The following SPRED1 variants were observed in gnomAD, a reference collection of about 807,000 sequenced individuals.
SPRED1 encodes the protein sprouty-related, EVH1 domain-containing protein 1.
SPRED1 carries 18 observed loss-of-function variants against 52.3 expected under a neutral mutation model. That is an observed-to-expected ratio of 0.34 (90% CI 0.24 to 0.51). SPRED1 has a LOEUF of 0.51. SPRED1 is among the 20% of genes least tolerant of loss of function. SPRED1 has a pLI of 0.97. For missense variants in SPRED1, 485 were observed against 551.0 expected, an observed-to-expected ratio of 0.88 and a Z score of 1.20; for synonymous variants, 155 against 179.7, an observed-to-expected ratio of 0.86 and a Z score of 1.10.
At position 38,253,159 on chromosome 15, in the gene SPRED1, T is replaced by C; in HGVS notation, c.-27T>C. ...CCCCGCCTGCTGTTGCTCCTCCATCTCCAGATCGGATCACGGTGAGGGAAA... is the reference window on the plus strand; with the variant it reads ...CCCCGCCTGCTGTTGCTCCTCCATCCCCAGATCGGATCACGGTGAGGGAAA... On this transcript the variant is annotated 5_prime_UTR_variant, in exon 1 of 7. Transcript: ENST00000299084. 3 of 1,571,616 alleles carry C rather than the reference T, an allele frequency of 1.9e-6. No homozygotes were observed. The highest frequency in any genetic ancestry group is 2.6e-6 in the Non-Finnish European group (3 of 1,157,738).
intron 1 of SPRED1, among the ~76,000 whole-genome samples, chr15:38,289,706 G>A (rs992161012): frequency 1.3e-5 from 2 of 152,208 alleles, no homozygotes; most frequent in Non-Finnish European, 2.9e-5. Context: ...TTTGAGGGTA[G>A]AAGGAGGGAG....
chr15:38,313,087 G>T (rs1895401564), intron 2 of SPRED1, among the ~76,000 whole-genome samples: 1 of 151,844 alleles, frequency 6.6e-6, no homozygotes, highest in Non-Finnish European at 1.5e-5. Flanking sequence ...ATTACAGCCT[G>T]CTTTTTACCC....
chr15:38,326,684 T>A (rs1895714761), intron 4 of SPRED1, among the ~76,000 whole-genome samples: 1 of 152,106 alleles, frequency 6.6e-6, no homozygotes, highest in African/African-American at 2.4e-5. Flanking sequence ...TCTACAAGAT[T>A]CACAAAGTTT....
At position 38,353,558 on chromosome 15, in the gene SPRED1, T is replaced by C. The variant is rs1888542651; in HGVS notation, c.*1894T>C. 1 of 152,536 alleles carries C rather than the reference T, an allele frequency of 6.6e-6. No homozygotes were observed. The highest frequency in any genetic ancestry group is 1.5e-5 in the Non-Finnish European group (1 of 67,950). The allele number at this position is 152,536 out of a possible 1,614,324, so 9.4% of individuals were successfully genotyped here. On this transcript the variant is annotated 3_prime_UTR_variant, in exon 7 of 7. Coordinates refer to ENST00000299084, the MANE Select transcript of SPRED1 (RefSeq NM_152594.3). ...TAGGCAGCAGTTTTAAGTCTTATTT[T>C]TACTGTTTATATATTTGAATGCTGC...
At chr15:38,327,869 G>T (rs1895734911) in intron 4 of SPRED1, among the ~76,000 whole-genome samples, 1 of 152,150 alleles carries the variant, frequency 6.6e-6, no homozygotes, top group African/African-American at 2.4e-5. Flanking sequence ...AAGCAGTAAG[G>T]GAAGTTTAAC....
chr15:38,323,186 TG>T (rs1325419182), intron 3 of SPRED1, among the ~76,000 whole-genome samples: 1 of 152,084 alleles, frequency 6.6e-6, no homozygotes, highest in Non-Finnish European at 1.5e-5. Context: ...TAAGAAAATC[TG>T]AAAACATAAA....
chr15:38,290,304 A>G (rs1487553735), intron 1 of SPRED1, among the ~76,000 whole-genome samples: 3 of 152,218 alleles, frequency 2.0e-5, no homozygotes, highest in African/African-American at 7.2e-5. Flanking sequence ...CACTAGTAGT[A>G]CCAGAAGGCA....
chr15:38,339,737 G>T lies in SPRED1; in HGVS notation c.424G>T (p.Ala142Ser), dbSNP rs763971890. 7 of 1,613,488 alleles carry T rather than the reference G, an allele frequency of 4.3e-6. No homozygotes were observed. Among genetic ancestry groups the T allele is most frequent in the Non-Finnish European group, 5.1e-6 (6 of 1,179,762 alleles). The change falls in exon 5 of 7, where the codon GCA (alanine) becomes TCA (serine). Residue 142 changes from alanine to serine, a missense_variant and splice_region_variant. Ala to Ser is a moderately conservative substitution (Grantham distance 99). Transcript: ENST00000299084. ...ATGCATTGAGGGTTGTTCCCAATAG[G>T]CAAATGAAGAGGATTCTTCCAGTTC... is the stretch of plus-strand genomic sequence containing the variant. ...NEAEGADDLQANEEDSSSSLV... is the reference protein window; with the variant it reads ...NEAEGADDLQSNEEDSSSSLV...
intron 1 of SPRED1, among the ~76,000 whole-genome samples, chr15:38,287,131 T>C (rs140968350): frequency 3.9e-5 from 6 of 152,154 alleles, no homozygotes; most frequent in African/African-American, 1.4e-4. Context: ...TAATAAGGCC[T>C]TTATTCTAGA....
chr15:38,316,757 T>G (rs866689032), intron 2 of SPRED1, among the ~76,000 whole-genome samples: 1 of 90,186 alleles, frequency 1.1e-5, no homozygotes, highest in East Asian at 2.1e-4. Flanking sequence ...TGTTTTTTTT[T>G]TTTTTTTTTT....
chr15:38,355,505 T>G lies in SPRED1; in HGVS notation c.*3841T>G, dbSNP rs532564269. On this transcript the variant is annotated 3_prime_UTR_variant, in exon 7 of 7. Coordinates refer to ENST00000299084, the MANE Select transcript of SPRED1 (RefSeq NM_152594.3). The stretch of plus-strand genomic sequence containing the variant: ...ATGTTTCTTAATATGCACGTGAGTC[T>G]CCAGAGTACAGGAAATGTGCTTTCC... 1 of 152,330 alleles carries G rather than the reference T, an allele frequency of 6.6e-6. No homozygotes were observed. Among genetic ancestry groups the G allele is most frequent in the South Asian group, 2.1e-4 (1 of 4,822 alleles). 9.4% of individuals were successfully genotyped at this position (152,330 alleles called of 1,614,324 possible).
At chr15:38,330,372 T>C (rs190624704) in intron 4 of SPRED1, among the ~76,000 whole-genome samples, 43 of 152,214 alleles carry the variant, frequency 2.8e-4, no homozygotes, top group African/African-American at 1.0e-3. Flanking sequence ...CATAGACAAA[T>C]AGAAAACTAA....
At chr15:38,343,405 C>T (rs1163365219) in intron 5 of SPRED1, among the ~76,000 whole-genome samples, 1 of 152,032 alleles carries the variant, frequency 6.6e-6, no homozygotes, top group African/African-American at 2.4e-5. Context: ...TAGAGAAAGG[C>T]ACAACGGAGA....
intron 5 of SPRED1, among the ~76,000 whole-genome samples, chr15:38,341,436 A>G (rs2141009281): frequency 6.6e-6 from 1 of 150,570 alleles, no homozygotes; most frequent in Admixed American, 6.6e-5. Flanking sequence ...TCTTTTTCTA[A>G]TGTATGTATT....
chr15:38,322,894 A>G (rs191918729), intron 3 of SPRED1, among the ~76,000 whole-genome samples: 1 of 152,144 alleles, frequency 6.6e-6, no homozygotes, highest in Non-Finnish European at 1.5e-5. Context: ...CCACAAGCTC[A>G]TCTATTCCTT....
intron 2 of SPRED1, among the ~76,000 whole-genome samples, chr15:38,316,841 A>C (rs1040227294): frequency 7.0e-6 from 1 of 142,496 alleles, no homozygotes; most frequent in African/African-American, 2.6e-5. Context: ...TTCTAGTACT[A>C]ATAATAAAAC....
At chr15:38,256,523 AT>A (rs1273146442) in intron 1 of SPRED1, among the ~76,000 whole-genome samples, 6 of 152,166 alleles carry the variant, frequency 3.9e-5, no homozygotes, top group African/African-American at 1.4e-4. Context: ...CATTTGGCTT[AT>A]TAGGTTCACG....
intron 1 of SPRED1, among the ~76,000 whole-genome samples, chr15:38,284,168 T>C (rs1352797272): frequency 6.6e-6 from 1 of 152,214 alleles, no homozygotes; most frequent in Non-Finnish European, 1.5e-5. Context: ...GGAAGTCTTT[T>C]TATTTACTGT....
At chr15:38,268,748 G>A (rs150291422) in intron 1 of SPRED1, among the ~76,000 whole-genome samples, 168 of 152,250 alleles carry the variant, frequency 1.1e-3, no homozygotes, top group African/African-American at 1.4e-3. Context: ...TTCACAGGTT[G>A]TGTTAAAAGT....
Sources: gnomAD v4.1 joint callset for allele counts (sites outside exome capture counted in the v4.1 genomes callset) on GRCh38, gnomAD v4.1.1 for gene constraint, MANE v1.5 for transcripts, NCBI Gene and HGNC (gene_info 2026-07-23, HGNC 2026-07-21) for gene names.